Variants in BMAL1 observed in about 807,000 individuals in gnomAD.
BMAL1 encodes the protein basic helix-loop-helix ARNT like 1, also known as basic helix-loop-helix ARNT-like protein 1.
At chr11:13,324,542 C>T in the BMAL1 span, among the ~76,000 whole-genome samples, 1 of 152,212 alleles carries the variant, frequency 6.6e-6, no homozygotes, top group Admixed American at 6.5e-5. Flanking sequence ...CCCCTCTCCC[C>T]GCTGCTTCAA....
chr11:13,281,122 A>G, the BMAL1 span, among the ~76,000 whole-genome samples: 39 of 152,060 alleles, frequency 2.6e-4, no homozygotes, highest in Admixed American at 2.0e-4. Context: ...GCCAGCTGCC[A>G]TTCCTTCTCA....
chr11:13,322,608 TAG>T, the BMAL1 span, among the ~76,000 whole-genome samples: 1 of 152,056 alleles, frequency 6.6e-6, no homozygotes, highest in East Asian at 1.9e-4. Context: ...TGGAGAGAAA[TAG>T]AGTCACTGAC....
the BMAL1 span, among the ~76,000 whole-genome samples, chr11:13,304,376 G>A: frequency 6.6e-6 from 1 of 152,158 alleles, no homozygotes. Flanking sequence ...GAGAAAGAAA[G>A]GAGTCAAGAT....
chr11:13,384,647 T>A, the BMAL1 span, among the ~76,000 whole-genome samples: 5 of 152,202 alleles, frequency 3.3e-5, no homozygotes, highest in Non-Finnish European at 7.4e-5. Context: ...ACAAGACGTA[T>A]CTAAATAGAC....
At chr11:13,325,657 T>TGTG in the BMAL1 span, among the ~76,000 whole-genome samples, 1 of 134,348 alleles carries the variant, frequency 7.4e-6, no homozygotes, top group African/African-American at 2.9e-5. Context: ...TTGAGACCTT[T>TGTG]TGTGTGTGTG....
the BMAL1 span, among the ~76,000 whole-genome samples, chr11:13,339,161 G>C: frequency 6.6e-6 from 1 of 152,200 alleles, no homozygotes; most frequent in African/African-American, 2.4e-5. Flanking sequence ...TGTCTAGACC[G>C]TCAGGAAACC....
the BMAL1 span, among the ~76,000 whole-genome samples, chr11:13,310,539 T>A: frequency 1.3e-5 from 2 of 152,164 alleles, no homozygotes; most frequent in Non-Finnish European, 1.5e-5. Context: ...GCAAACTTTT[T>A]CTGTAGAGGA....
At chr11:13,319,400 A>G in the BMAL1 span, among the ~76,000 whole-genome samples, 1 of 152,182 alleles carries the variant, frequency 6.6e-6, no homozygotes, top group African/African-American at 2.4e-5. Flanking sequence ...TGCTGTTTAA[A>G]ATTTGAATCC....
chr11:13,374,026 C>G, the BMAL1 span: 4 of 1,368,328 alleles, frequency 2.9e-6, no homozygotes, highest in Admixed American at 1.7e-5. Flanking sequence ...AGGGTTTATC[C>G]ATTGCAAAGT....
the BMAL1 span, among the ~76,000 whole-genome samples, chr11:13,363,867 G>A: frequency 1.3e-5 from 2 of 152,236 alleles, no homozygotes; most frequent in East Asian, 3.9e-4. Flanking sequence ...CTTCGGGCCC[G>A]GCTCCTTCAC....
chr11:13,371,169 C>G, the BMAL1 span, among the ~76,000 whole-genome samples: 2 of 152,186 alleles, frequency 1.3e-5, no homozygotes, highest in Admixed American at 6.5e-5. Context: ...ACAGACTCCA[C>G]GCTTGGCAGA....
the BMAL1 span, among the ~76,000 whole-genome samples, chr11:13,305,968 G>A: frequency 6.6e-6 from 1 of 152,190 alleles, no homozygotes; most frequent in African/African-American, 2.4e-5. Context: ...GGAAATGCAG[G>A]AAGCTCACCA....
the BMAL1 span, among the ~76,000 whole-genome samples, chr11:13,316,186 G>A: frequency 2.6e-5 from 4 of 152,158 alleles, no homozygotes; most frequent in African/African-American, 2.4e-5. Context: ...ATGATGGTCC[G>A]TCTGCCCTGG....
the BMAL1 span, among the ~76,000 whole-genome samples, chr11:13,284,370 C>G: frequency 6.8e-6 from 1 of 147,148 alleles, no homozygotes; most frequent in Non-Finnish European, 1.5e-5. Context: ...ATATAATGTT[C>G]AAATATATAC....
At chr11:13,381,116 C>T in the BMAL1 span, 4 of 1,587,886 alleles carry the variant, frequency 2.5e-6, no homozygotes, top group Admixed American at 6.7e-5. Context: ...AGCACATACA[C>T]TCCACTGAAA....
the BMAL1 span, chr11:13,365,586 C>T: frequency 1.2e-6 from 2 of 1,613,292 alleles, no homozygotes; most frequent in Non-Finnish European, 1.7e-6. Flanking sequence ...TCCTCAACTA[C>T]AGCCAGGTAT....
At chr11:13,349,205 C>T in the BMAL1 span, among the ~76,000 whole-genome samples, 1 of 152,244 alleles carries the variant, frequency 6.6e-6, no homozygotes, top group East Asian at 1.9e-4. Context: ...TTGAGATTCA[C>T]TGATGTTTTC....
chr11:13,305,409 C>T, the BMAL1 span, among the ~76,000 whole-genome samples: 70 of 152,192 alleles, frequency 4.6e-4, no homozygotes, highest in Admixed American at 1.5e-3. Context: ...GTGTTCATTG[C>T]TAGTATATAG....
At chr11:13,326,702 T>G in the BMAL1 span, among the ~76,000 whole-genome samples, 56,889 of 145,024 alleles carry the variant, frequency 0.39, 11,080 homozygotes, top group East Asian at 0.65. Context: ...TATAGAGAGA[T>G]AATATAGAAG....
Sources: gnomAD v4.1 joint callset for allele counts (sites outside exome capture counted in the v4.1 genomes callset) on GRCh38, gnomAD v4.1.1 for gene constraint, MANE v1.5 for transcripts, NCBI Gene and HGNC (gene_info 2026-07-23, HGNC 2026-07-21) for gene names.